AGTPBP1: variants seen among roughly 807,000 people sequenced by gnomAD.
AGTPBP1 encodes the protein cytosolic carboxypeptidase 1.
AGTPBP1 carries 70 observed loss-of-function variants against 143.9 expected under a neutral mutation model. The ratio of observed to expected loss-of-function variants is 0.49; its 90% CI spans 0.40 to 0.59. AGTPBP1 has a LOEUF of 0.59. Ranked by LOEUF, AGTPBP1 falls within the 20% of genes least tolerant of loss-of-function variation. The pLI is 0.00. For synonymous variants in AGTPBP1, 463 were observed against 500.2 expected (o/e 0.93, Z 0.99); for missense variants, 1,229 against 1,464.5 (o/e 0.84, Z 2.62).
At chr9:85,631,286 G>C (rs1831660737) in intron 14 of AGTPBP1, among the ~76,000 whole-genome samples, 1 of 152,220 alleles carries the variant, frequency 6.6e-6, no homozygotes, top group Non-Finnish European at 1.5e-5. Context: ...GGCCACTTCT[G>C]TTCCCACCTC....
chr9:85,551,820 C>T (rs1826054370), intron 25 of AGTPBP1, among the ~76,000 whole-genome samples: 1 of 152,156 alleles, frequency 6.6e-6, no homozygotes, highest in Admixed American at 6.5e-5. Context: ...TTCAAGGTCA[C>T]TTGCCCTATG....
chr9:85,764,594 G>A, the AGTPBP1 span: 7,936 of 554,340 alleles, frequency 0.014, 195 homozygotes, highest in East Asian at 0.095. Flanking sequence ...AAACAATAAT[G>A]TAAAAACTAA....
rs533431191 is a variant in AGTPBP1 at position 85,687,161 on chromosome 9, T to C, written c.157+5528A>G. 4.6e-5 allele frequency among the ~76,000 whole-genome samples: 7 copies of C among 152,304 alleles called. No individual in the cohort carries two copies. The South Asian group carries it at 1.5e-3, about 32-fold the overall frequency. Reference sequence around the variant, plus strand: ...GACAAAAAGCAATATTTCACAATGATGGAAGAGGCAAACTATCAGGAAAAT... The same window carrying C: ...GACAAAAAGCAATATTTCACAATGACGGAAGAGGCAAACTATCAGGAAAAT... On this transcript the variant is annotated intron_variant, in intron 3 of 25. Coordinates refer to ENST00000357081, the MANE Select transcript of AGTPBP1 (RefSeq NM_001330701.2).
intron 8 of AGTPBP1, among the ~76,000 whole-genome samples, chr9:85,667,878 A>G (rs1834219849): frequency 6.6e-6 from 1 of 151,026 alleles, no homozygotes; most frequent in Non-Finnish European, 1.5e-5. Flanking sequence ...GACTTAATTG[A>G]AGCCCTGAAC....
At chr9:85,580,301 A>T (rs2133105684) in intron 23 of AGTPBP1, among the ~76,000 whole-genome samples, 1 of 150,826 alleles carries the variant, frequency 6.6e-6, no homozygotes, top group South Asian at 2.1e-4. Context: ...TTTGTTTATG[A>T]TGTGTAGTAA....
At chr9:85,568,707 T>G (rs1005346443) in intron 25 of AGTPBP1, among the ~76,000 whole-genome samples, 3 of 152,018 alleles carry the variant, frequency 2.0e-5, no homozygotes, top group Non-Finnish European at 4.4e-5. Flanking sequence ...ACTGTAATGG[T>G]AAAGGTGATG....
At chr9:85,769,560 T>G in the AGTPBP1 span, among the ~76,000 whole-genome samples, 1 of 151,118 alleles carries the variant, frequency 6.6e-6, no homozygotes, top group African/African-American at 2.4e-5. Context: ...AACTTGTAGG[T>G]TTTCCTACAG....
chr9:85,731,791 A>G (rs1838897859), intron 1 of AGTPBP1, among the ~76,000 whole-genome samples: 1 of 152,150 alleles, frequency 6.6e-6, no homozygotes. Flanking sequence ...CAAACAGGAA[A>G]ATTGATTTCA....
intron 3 of AGTPBP1, among the ~76,000 whole-genome samples, chr9:85,688,038 C>T (rs1835598917): frequency 7.3e-6 from 1 of 136,746 alleles, no homozygotes; most frequent in Non-Finnish European, 1.5e-5. Context: ...TGCAGTGAGC[C>T]GAGATCACAC....
At chr9:85,802,241 C>A in the AGTPBP1 span, among the ~76,000 whole-genome samples, 10 of 152,110 alleles carry the variant, frequency 6.6e-5, no homozygotes, top group African/African-American at 2.4e-4. Context: ...GTCACTCTAC[C>A]GTCTTTCCAC....
At chr9:85,660,033 A>G (rs963582322) in intron 9 of AGTPBP1, among the ~76,000 whole-genome samples, 1 of 152,164 alleles carries the variant, frequency 6.6e-6, no homozygotes, top group African/African-American at 2.4e-5. Context: ...TTAAAATTTA[A>G]TAAATCATTA....
chr9:85,783,620 G>A, the AGTPBP1 span, among the ~76,000 whole-genome samples: 1 of 151,748 alleles, frequency 6.6e-6, no homozygotes, highest in Admixed American at 6.6e-5. Context: ...AGTATTTGGT[G>A]CATTGTTTTT....
chr9:85,608,581 T>C (rs1343009933), intron 17 of AGTPBP1, among the ~76,000 whole-genome samples: 2 of 152,020 alleles, frequency 1.3e-5, no homozygotes, highest in Admixed American at 1.3e-4. Context: ...TAAAAATTGA[T>C]AATATATATG....
the AGTPBP1 span, among the ~76,000 whole-genome samples, chr9:85,758,400 T>C: frequency 6.6e-6 from 1 of 152,156 alleles, no homozygotes; most frequent in African/African-American, 2.4e-5. Flanking sequence ...ATCCCAGCAC[T>C]TTGGGAGGCC....
chr9:85,554,675 T>C (rs886481234), intron 25 of AGTPBP1, among the ~76,000 whole-genome samples: 2 of 152,194 alleles, frequency 1.3e-5, no homozygotes, highest in South Asian at 4.1e-4. Context: ...CTAGAGCCTC[T>C]GAAGTTTTTA....
Position 85,630,798 on chromosome 9 carries a change from C to T in AGTPBP1, c.2015+1864G>A, listed in dbSNP as rs11141042. 2.2e-4 allele frequency among the ~76,000 whole-genome samples: 34 copies of T among 152,156 alleles called. No homozygotes were observed. In the East Asian group the frequency reaches 6.4e-3, roughly 29 times the overall value. ...CCCAGGCCCCAGGATCTATTTAAAT[C>T]CCTCTCACCCTCAGCTATCACCTCT... On this transcript the variant is annotated intron_variant, in intron 14 of 25. Transcript: ENST00000357081.
At chr9:85,741,554 C>G in intron 1 of AGTPBP1, 1 of 985,428 alleles carries the variant, frequency 1.0e-6, no homozygotes. Context: ...GTTTTCCAGA[C>G]CCAGTCAAAG....
At chr9:85,635,185 AT>A (rs1169584632) in intron 13 of AGTPBP1, among the ~76,000 whole-genome samples, 2 of 152,174 alleles carry the variant, frequency 1.3e-5, no homozygotes, top group Non-Finnish European at 1.5e-5. Context: ...CAGTTAACCC[AT>A]TTTTTGAAAA....
At chr9:85,745,975 T>C (rs1824575002), upstream of AGTPBP1, among the ~76,000 whole-genome samples, 1 of 152,202 alleles carries the variant, frequency 6.6e-6, no homozygotes, top group South Asian at 2.1e-4. Context: ...AACTCGGGGC[T>C]AGACATGTTC....
Sources: gnomAD v4.1 joint callset for allele counts (sites outside exome capture counted in the v4.1 genomes callset) on GRCh38, gnomAD v4.1.1 for gene constraint, MANE v1.5 for transcripts, NCBI Gene and HGNC (gene_info 2026-07-23, HGNC 2026-07-21) for gene names.